XKR9: variants seen among roughly 807,000 people sequenced by gnomAD.
The protein encoded by XKR9 is XK related 9.
XKR9 carries 32 observed loss-of-function variants against 32.0 expected under a neutral mutation model. That is an observed-to-expected ratio of 1.00 (90% CI 0.76 to 1.34). The LOEUF is 1.34. XKR9 is among the 40% of genes most tolerant of loss of function. The pLI is 0.00. For synonymous variants in XKR9, 168 were observed against 143.4 expected, an observed-to-expected ratio of 1.17 and a Z score of -1.22; for missense variants, 546 against 429.7, an observed-to-expected ratio of 1.27 and a Z score of -2.39.
the XKR9 span, among the ~76,000 whole-genome samples, chr8:70,805,345 T>G: frequency 6.6e-6 from 1 of 152,186 alleles, no homozygotes; most frequent in Admixed American, 6.5e-5. Context: ...GCTGCGCATA[T>G]TCTCAACAGT....
chr8:71,029,503 T>G, the XKR9 span, among the ~76,000 whole-genome samples: 1 of 152,138 alleles, frequency 6.6e-6, no homozygotes, highest in Non-Finnish European at 1.5e-5. Context: ...TTTATTTAAT[T>G]TAATAATAGA....
rs1420913589 is a variant in XKR9, at chr8:70,707,054, A to T, written c.394A>T (p.Ser132Cys). 1.9e-6 allele frequency: 3 copies of T among 1,613,392 alleles called. No individual in the cohort carries two copies. Among genetic ancestry groups the T allele is most frequent in the Non-Finnish European group, 2.5e-6 (3 of 1,179,532 alleles). Residue 132 changes from serine (S) to cysteine (C), a missense_variant, in exon 4 of 5, where the codon AGC becomes TGC. Physicochemically the swap from Ser to Cys is moderately radical, Grantham distance 112 (BLOSUM62 -1). Transcript: ENST00000408926. ...AGTTATAGATAGAGTGACTGATTTG[A>T]GCATGCTCAGACTATTTGAGACCTA... The part of the protein sequence containing the change: ...KEVIDRVTDL[S>C]MLRLFETYLE...
chr8:70,875,201 A>G, the XKR9 span, among the ~76,000 whole-genome samples: 7 of 152,112 alleles, frequency 4.6e-5, no homozygotes, highest in Non-Finnish European at 1.0e-4. Context: ...CCCCTATATT[A>G]CATATTTGGA....
Position 70,773,485 on chromosome 8 carries a change from T to C in XKR9, n.353-15854T>C, listed in dbSNP as rs749369749. 4.6e-5 allele frequency among the ~76,000 whole-genome samples: 7 copies of C among 152,172 alleles called. No homozygotes were observed. The South Asian group carries it at 6.2e-4, about 13-fold the overall frequency. On this transcript the variant is annotated intron_variant and non_coding_transcript_variant, in intron 2 of 3. Transcript: ENST00000520273. The stretch of plus-strand genomic sequence containing the variant: ...CTTTTAACAAGCTCCACATGCAAAA[T>C]TGGATGATCTTGGTTGTTGTAAAGT...
chr8:71,033,203 G>T, the XKR9 span, among the ~76,000 whole-genome samples: 3 of 151,986 alleles, frequency 2.0e-5, no homozygotes, highest in African/African-American at 4.8e-5. Context: ...GAATCAGACC[G>T]CCTGGGTTCA....
At chr8:70,876,896 G>A in the XKR9 span, among the ~76,000 whole-genome samples, 1 of 152,014 alleles carries the variant, frequency 6.6e-6, no homozygotes, top group Non-Finnish European at 1.5e-5. Context: ...GTACTGTTGT[G>A]TAAAATAATA....
At chr8:70,988,543 T>C in the XKR9 span, among the ~76,000 whole-genome samples, 1 of 152,154 alleles carries the variant, frequency 6.6e-6, no homozygotes, top group African/African-American at 2.4e-5. Context: ...CCACGATACA[T>C]GCCACATGGC....
chr8:70,813,113 G>C, the XKR9 span, among the ~76,000 whole-genome samples: 1 of 152,120 alleles, frequency 6.6e-6, no homozygotes, highest in Non-Finnish European at 1.5e-5. Context: ...CAATGGAACA[G>C]AACAGAGCCC....
chr8:70,868,113 G>A, the XKR9 span, among the ~76,000 whole-genome samples: 1 of 152,194 alleles, frequency 6.6e-6, no homozygotes, highest in African/African-American at 2.4e-5. Context: ...GCAGGGTATA[G>A]CTTCTCTCCT....
At chr8:70,690,004 T>G (rs1044134829) in intron 3 of XKR9, among the ~76,000 whole-genome samples, 2 of 152,146 alleles carry the variant, frequency 1.3e-5, no homozygotes, top group African/African-American at 4.8e-5. Context: ...TTTTGCCTAT[T>G]TAAAAAAGAA....
the XKR9 span, among the ~76,000 whole-genome samples, chr8:70,848,509 G>A: frequency 4.6e-5 from 7 of 151,974 alleles, no homozygotes; most frequent in East Asian, 5.8e-4. Flanking sequence ...AACTAGCCTT[G>A]TTCACAGATG....
intron 2 of XKR9, among the ~76,000 whole-genome samples, chr8:70,753,700 T>C (rs1413449798): frequency 6.6e-6 from 1 of 151,890 alleles, no homozygotes; most frequent in Admixed American, 6.6e-5. Context: ...AAAAGGCCTT[T>C]GACAAAATTC....
chr8:71,056,450 G>C, the XKR9 span, among the ~76,000 whole-genome samples: 1 of 152,148 alleles, frequency 6.6e-6, no homozygotes, highest in East Asian at 1.9e-4. Context: ...AATTACTCAA[G>C]TATTTATAGT....
intron 3 of XKR9, among the ~76,000 whole-genome samples, chr8:70,690,385 A>C (rs1262457454): frequency 6.6e-6 from 1 of 152,012 alleles, no homozygotes; most frequent in Non-Finnish European, 1.5e-5. Flanking sequence ...GCTGGAGTGC[A>C]ATGGCATGAT....
At chr8:70,798,593 C>T in the XKR9 span, among the ~76,000 whole-genome samples, 4 of 152,082 alleles carry the variant, frequency 2.6e-5, no homozygotes, top group African/African-American at 9.7e-5. Context: ...TTGTTGCAAT[C>T]GCTTTTGAGG....
chr8:70,992,344 C>T, the XKR9 span, among the ~76,000 whole-genome samples: 1 of 152,048 alleles, frequency 6.6e-6, no homozygotes, highest in South Asian at 2.1e-4. Context: ...AGGATAGGTA[C>T]CTTTCCTCTA....
At chr8:70,974,700 A>G in the XKR9 span, among the ~76,000 whole-genome samples, 9 of 152,294 alleles carry the variant, frequency 5.9e-5, no homozygotes, top group Non-Finnish European at 1.0e-4. Flanking sequence ...CTATAAACAT[A>G]TGTGTGCATG....
chr8:71,012,542 G>C, the XKR9 span, among the ~76,000 whole-genome samples: 2 of 152,282 alleles, frequency 1.3e-5, no homozygotes, highest in East Asian at 1.9e-4. Flanking sequence ...TGTGTTCCAA[G>C]ATTGACCCTA....
At chr8:70,957,002 G>T in the XKR9 span, among the ~76,000 whole-genome samples, 6 of 152,148 alleles carry the variant, frequency 3.9e-5, no homozygotes, top group Admixed American at 1.3e-4. Flanking sequence ...CCTGTTCCCT[G>T]CCCCCATTGG....
Sources: gnomAD v4.1 joint callset for allele counts (sites outside exome capture counted in the v4.1 genomes callset) on GRCh38, gnomAD v4.1.1 for gene constraint, MANE v1.5 for transcripts, NCBI Gene and HGNC (gene_info 2026-07-23, HGNC 2026-07-21) for gene names.